MAGI1: variants seen among roughly 807,000 people sequenced by gnomAD.
The protein encoded by MAGI1 is membrane-associated guanylate kinase, WW and PDZ domain-containing protein 1.
A neutral mutation model predicts 139.9 loss-of-function variants in MAGI1; 58 were observed. The ratio of observed to expected loss-of-function variants is 0.41; its 90% CI spans 0.34 to 0.52. The LOEUF (loss-of-function observed/expected upper bound fraction) is 0.52. Ranked by LOEUF, MAGI1 falls within the 20% of genes least tolerant of loss-of-function variation. The pLI, the probability that MAGI1 is intolerant of heterozygous loss-of-function variation, is 0.12. For missense variants in MAGI1, 1,874 were observed against 1,901.6 expected (o/e 0.99, Z 0.27); for synonymous variants, 812 against 737.9 (o/e 1.10, Z -1.63).
chr3:65,611,165 A>G (rs2083072817), intron 2 of MAGI1, among the ~76,000 whole-genome samples: 1 of 140,514 alleles, frequency 7.1e-6, no homozygotes. Flanking sequence ...ACAGTATTCC[A>G]TCTATGCTGT....
intron 1 of MAGI1, among the ~76,000 whole-genome samples, chr3:65,704,912 T>C (rs940948160): frequency 6.6e-6 from 1 of 152,112 alleles, no homozygotes; most frequent in Admixed American, 6.5e-5. Flanking sequence ...ATTTTCCTTC[T>C]AGACCCAAGA....
chr3:65,939,491 AAAG>A (rs1364427374), intron 1 of MAGI1, among the ~76,000 whole-genome samples: 1 of 152,250 alleles, frequency 6.6e-6, no homozygotes, highest in Non-Finnish European at 1.5e-5. Flanking sequence ...TGAATGAGGA[AAAG>A]TATCCCAAAG....
At chr3:65,637,150 G>A (rs566508484) in intron 1 of MAGI1, among the ~76,000 whole-genome samples, 2 of 152,298 alleles carry the variant, frequency 1.3e-5, no homozygotes, top group African/African-American at 4.8e-5. Flanking sequence ...CCACCCAGGG[G>A]TTGGGTAAAC....
At chr3:65,639,349 TA>T (rs1294749194) in intron 1 of MAGI1, among the ~76,000 whole-genome samples, 1 of 152,208 alleles carries the variant, frequency 6.6e-6, no homozygotes, top group Non-Finnish European at 1.5e-5. Flanking sequence ...TTTTTATGGT[TA>T]TTTTTTCTCT....
chr3:65,480,567 T>C (rs1463493872), intron 3 of MAGI1, among the ~76,000 whole-genome samples: 1 of 147,938 alleles, frequency 6.8e-6, no homozygotes, highest in Non-Finnish European at 1.5e-5. Flanking sequence ...TCAGGCTTTA[T>C]TCTTATAAAT....
intron 1 of MAGI1, among the ~76,000 whole-genome samples, chr3:65,792,298 C>G (rs992195091): frequency 2.0e-5 from 3 of 151,992 alleles, no homozygotes; most frequent in Non-Finnish European, 4.4e-5. Context: ...AACCCCGTCT[C>G]TACTAAAAAT....
intron 1 of MAGI1, among the ~76,000 whole-genome samples, chr3:65,964,636 G>A (rs1009329269): frequency 1.3e-5 from 2 of 152,142 alleles, no homozygotes; most frequent in African/African-American, 4.8e-5. Flanking sequence ...TCAAGGCAGG[G>A]CTATCGCCCT....
intron 12 of MAGI1, among the ~76,000 whole-genome samples, chr3:65,427,395 G>A (rs2107322136): frequency 6.6e-6 from 1 of 152,250 alleles, no homozygotes; most frequent in Non-Finnish European, 1.5e-5. Flanking sequence ...TTACAATATG[G>A]TTCTAATACA....
At chr3:65,872,549 T>C (rs889385141) in intron 1 of MAGI1, among the ~76,000 whole-genome samples, 1 of 152,192 alleles carries the variant, frequency 6.6e-6, no homozygotes, top group Non-Finnish European at 1.5e-5. Flanking sequence ...TCAGAACCTA[T>C]TGGCAGTGTC....
intron 2 of MAGI1, among the ~76,000 whole-genome samples, chr3:65,606,039 AC>A (rs62831262): frequency 0.2 from 30,535 of 152,110 alleles, 3,222 homozygotes; most frequent in Middle Eastern, 0.27. Context: ...AGATACATGG[AC>A]ATATTTTTGC....
chr3:65,410,266 A>T (rs904291174), intron 12 of MAGI1, among the ~76,000 whole-genome samples: 17 of 152,216 alleles, frequency 1.1e-4, no homozygotes, highest in African/African-American at 3.4e-4. Context: ...GTGCAAAAAT[A>T]ACTAAAAAGT....
At chr3:65,621,797 C>G (rs2083683135) in intron 2 of MAGI1, among the ~76,000 whole-genome samples, 175 bp downstream of exon 2, 1 of 152,092 alleles carries the variant, frequency 6.6e-6, no homozygotes, top group Non-Finnish European at 1.5e-5. Flanking sequence ...GACTGAAACC[C>G]AGGCACACCA....
At chr3:65,702,131 G>A (rs569196319) in intron 1 of MAGI1, among the ~76,000 whole-genome samples, 1 of 152,138 alleles carries the variant, frequency 6.6e-6, no homozygotes, top group South Asian at 2.1e-4. Flanking sequence ...CAGTACCTGT[G>A]TTTACGAGCG....
At chr3:65,521,129 CAGAA>C (rs2078134454) in intron 2 of MAGI1, among the ~76,000 whole-genome samples, 1 of 152,184 alleles carries the variant, frequency 6.6e-6, no homozygotes, top group Non-Finnish European at 1.5e-5. Context: ...GCACTTCAAA[CAGAA>C]GGATCAATTT....
At chr3:65,529,118 TC>T (rs1457719477) in intron 2 of MAGI1, among the ~76,000 whole-genome samples, 50 of 125,090 alleles carry the variant, frequency 4.0e-4, no homozygotes, top group African/African-American at 1.9e-3. Flanking sequence ...TGGTAAATAT[TC>T]TTTTTTTAAA....
intron 1 of MAGI1, among the ~76,000 whole-genome samples, chr3:65,891,885 AATATATATATAT>A (rs55826911): frequency 0.036 from 1,338 of 37,424 alleles, 94 homozygotes; most frequent in Non-Finnish European, 0.046. Flanking sequence ...CTTAAAGTAT[AATATATATATAT>A]ATATATATAT....
chr3:66,036,269 C>T (rs2107615925), intron 1 of MAGI1, among the ~76,000 whole-genome samples: 1 of 152,278 alleles, frequency 6.6e-6, no homozygotes, highest in Non-Finnish European at 1.5e-5. Flanking sequence ...GGTGCACTTT[C>T]CACGTGTTAG....
intron 2 of MAGI1, among the ~76,000 whole-genome samples, chr3:65,541,846 T>G (rs1160567342): frequency 1.3e-5 from 2 of 152,186 alleles, no homozygotes; most frequent in Admixed American, 6.5e-5. Flanking sequence ...AAGCATTCCC[T>G]TTGAAAATGG....
intron 1 of MAGI1, among the ~76,000 whole-genome samples, chr3:65,737,394 A>C (rs2034858559): frequency 6.6e-6 from 1 of 152,234 alleles, no homozygotes; most frequent in Non-Finnish European, 1.5e-5. Context: ...AATCAGCCTT[A>C]AATTTAATGA....
Sources: allele counts gnomAD v4.1 joint callset (sites outside exome capture counted in the v4.1 genomes callset), GRCh38; gene constraint gnomAD v4.1.1; transcripts MANE v1.5; gene names NCBI Gene and HGNC (gene_info 2026-07-23, HGNC 2026-07-21).